SLC7A14: variants seen among roughly 807,000 people sequenced by gnomAD.
SLC7A14 encodes the protein solute carrier family 7 member 14.
SLC7A14 carries 37 observed loss-of-function variants against 60.2 expected under a neutral mutation model. That is an observed-to-expected ratio of 0.61 (90% CI 0.47 to 0.81). The LOEUF (loss-of-function observed/expected upper bound fraction) is 0.81. SLC7A14 is among the 30% of genes least tolerant of loss of function. The pLI is 0.00. For missense variants in SLC7A14, 886 were observed against 982.7 expected, an observed-to-expected ratio of 0.90 and a Z score of 1.32; for synonymous variants, 399 against 395.8, an observed-to-expected ratio of 1.01 and a Z score of -0.10.
At chr3:170,492,026 A>T (rs1016418761) in intron 4 of SLC7A14, among the ~76,000 whole-genome samples, 1 of 152,224 alleles carries the variant, frequency 6.6e-6, no homozygotes, top group Non-Finnish European at 1.5e-5. Flanking sequence ...TCTTCCTTGC[A>T]AGCAAATGGT....
intron 7 of SLC7A14, among the ~76,000 whole-genome samples, chr3:170,475,980 T>C (rs1711600464): frequency 6.6e-6 from 1 of 152,216 alleles, no homozygotes; most frequent in Non-Finnish European, 1.5e-5. Context: ...CCCAAAGTGC[T>C]GGGATTACAG....
intron 1 of SLC7A14, among the ~76,000 whole-genome samples, chr3:170,565,375 G>T (rs1714762739): frequency 1.3e-5 from 2 of 152,160 alleles, no homozygotes; most frequent in South Asian, 4.1e-4. Flanking sequence ...TGATCTGCTG[G>T]ATTTGAGCAG....
intron 1 of SLC7A14, among the ~76,000 whole-genome samples, chr3:170,540,510 A>T (rs1216204746): frequency 6.6e-6 from 1 of 151,744 alleles, no homozygotes; most frequent in Non-Finnish European, 1.5e-5. Context: ...CAGTCTGGGA[A>T]TTTAAAACGT....
At chr3:170,490,343 C>A (rs1037533683) in intron 4 of SLC7A14, among the ~76,000 whole-genome samples, 2 of 149,664 alleles carry the variant, frequency 1.3e-5, no homozygotes, top group African/African-American at 4.9e-5. Flanking sequence ...CACACACATG[C>A]AAATACATAT....
intron 1 of SLC7A14, among the ~76,000 whole-genome samples, chr3:170,579,669 C>G (rs1448368073): frequency 6.6e-6 from 1 of 152,248 alleles, no homozygotes; most frequent in Non-Finnish European, 1.5e-5. Flanking sequence ...AACCATCAGA[C>G]TGCAATGTCG....
chr3:170,497,012 ACG>A (rs367660791), intron 4 of SLC7A14, among the ~76,000 whole-genome samples: 293 of 146,860 alleles, frequency 2.0e-3, no homozygotes, highest in African/African-American at 6.0e-3. Context: ...CTCTCAGCCC[ACG>A]CGCGGGGGAG....
At chr3:170,469,151 C>A (rs1739808116) in intron 7 of SLC7A14, among the ~76,000 whole-genome samples, 1 of 152,162 alleles carries the variant, frequency 6.6e-6, no homozygotes, top group African/African-American at 2.4e-5. Context: ...TGAGTAGCAC[C>A]AGTCTCTTTG....
intron 2 of SLC7A14, among the ~76,000 whole-genome samples, chr3:170,516,038 T>C (rs1713146865): frequency 6.6e-6 from 1 of 152,184 alleles, no homozygotes; most frequent in Non-Finnish European, 1.5e-5. Flanking sequence ...CTGTCCACAC[T>C]ACTAGGTGCT....
intron 3 of SLC7A14, among the ~76,000 whole-genome samples, chr3:170,499,426 T>G (rs1454490009): frequency 2.6e-5 from 4 of 152,066 alleles, no homozygotes; most frequent in Non-Finnish European, 5.9e-5. Context: ...AAAATTGGGC[T>G]ATGTGGTGTG....
chr3:170,582,793 T>C (rs1016878980), intron 1 of SLC7A14, among the ~76,000 whole-genome samples: 1 of 152,118 alleles, frequency 6.6e-6, no homozygotes, highest in East Asian at 1.9e-4. Flanking sequence ...AAATGCTATG[T>C]TTTGGAGCAG....
chr3:170,483,081 A>T (rs936360854), intron 6 of SLC7A14, among the ~76,000 whole-genome samples: 1 of 152,100 alleles, frequency 6.6e-6, no homozygotes, highest in East Asian at 1.9e-4. Context: ...GAGGGAGGAC[A>T]GTGGGGGGAC....
intron 2 of SLC7A14, among the ~76,000 whole-genome samples, chr3:170,501,724 C>A (rs7641496): frequency 0.11 from 16,856 of 152,238 alleles, 1,347 homozygotes; most frequent in African/African-American, 0.22. Context: ...GCACAAACTT[C>A]TTCTCTTTCA....
chr3:170,564,693 T>C (rs1714747147), intron 1 of SLC7A14, among the ~76,000 whole-genome samples: 1 of 152,230 alleles, frequency 6.6e-6, no homozygotes, highest in Non-Finnish European at 1.5e-5. Context: ...ATCTAAAAAA[T>C]GAGGATAATG....
chr3:170,574,642 A>C (rs965606356), intron 1 of SLC7A14, among the ~76,000 whole-genome samples: 1 of 152,220 alleles, frequency 6.6e-6, no homozygotes, highest in Non-Finnish European at 1.5e-5. Context: ...TTAATGTGAT[A>C]GATGGGCCAA....
At chr3:170,550,512 A>ATTTTTTTTTTTTTTTTTTTTTTT (rs369436642) in intron 1 of SLC7A14, among the ~76,000 whole-genome samples, 6 of 60,614 alleles carry the variant, frequency 9.9e-5, no homozygotes, top group African/African-American at 2.6e-4. Context: ...CTTTCCTTGA[A>ATTTTTTTTTTTTTTTTTTTTTTT]TTTTTTTTTT....
At chr3:170,494,884 G>A (rs1712332009) in intron 4 of SLC7A14, among the ~76,000 whole-genome samples, 2 of 152,194 alleles carry the variant, frequency 1.3e-5, no homozygotes, top group Admixed American at 6.5e-5. Flanking sequence ...GAGAATGAGC[G>A]TGATACACAA....
intron 1 of SLC7A14, among the ~76,000 whole-genome samples, chr3:170,541,093 A>C (rs764532928): frequency 9.2e-5 from 14 of 151,426 alleles, no homozygotes; most frequent in Non-Finnish European, 1.6e-4. Flanking sequence ...TGGGAATATA[A>C]ACTGATATAA....
intron 1 of SLC7A14, among the ~76,000 whole-genome samples, chr3:170,540,643 A>G (rs1713994191): frequency 6.6e-6 from 1 of 152,088 alleles, no homozygotes. Context: ...TGGTCCAGAG[A>G]ATTCTTCTCT....
At chr3:170,502,957 T>C (rs1712660848) in intron 2 of SLC7A14, 1 of 152,246 alleles carries the variant, frequency 6.6e-6, no homozygotes, top group African/African-American at 2.4e-5. Context: ...ATCTCCTAAC[T>C]CTGACCCTCT....
Sources: gnomAD v4.1 joint callset for allele counts (sites outside exome capture counted in the v4.1 genomes callset) on GRCh38, gnomAD v4.1.1 for gene constraint, MANE v1.5 for transcripts, NCBI Gene and HGNC (gene_info 2026-07-23, HGNC 2026-07-21) for gene names.